The following HCK variants were observed in gnomAD, a reference collection of about 807,000 sequenced individuals.
HCK encodes the protein tyrosine-protein kinase HCK.
Under a neutral mutation model 70.4 loss-of-function variants are expected in HCK, and 40 were observed. The observed-to-expected ratio is 0.57, with a 90% confidence interval of 0.44 to 0.74. HCK has a LOEUF of 0.74. Ranked by LOEUF, HCK falls within the 30% of genes least tolerant of loss-of-function variation. The pLI, the probability that HCK is intolerant of heterozygous loss-of-function variation, is 0.00. For synonymous variants in HCK, 245 were observed against 263.2 expected (o/e 0.93, Z 0.67); for missense variants, 568 against 697.2 (o/e 0.81, Z 2.09).
chr20:32,095,114 G>A (rs998625753), intron 11 of HCK, among the ~76,000 whole-genome samples: 3 of 152,178 alleles, frequency 2.0e-5, no homozygotes, highest in Non-Finnish European at 4.4e-5. Context: ...TCCATACAAT[G>A]GAATATTATT....
chr20:32,061,199 G>C (rs2001413), intron 1 of HCK, among the ~76,000 whole-genome samples: 37,432 of 152,134 alleles, frequency 0.25, 4,747 homozygotes, highest in Non-Finnish European at 0.28. Flanking sequence ...GGCCAGGCTG[G>C]TCTTGAACTC....
chr20:32,059,696 G>A (rs1405779169), intron 1 of HCK, among the ~76,000 whole-genome samples: 1 of 151,790 alleles, frequency 6.6e-6, no homozygotes. Context: ...AAAAAATTCT[G>A]GTAGAAATGG....
At chr20:32,084,668 A>G in intron 8 of HCK, 125 bp downstream of exon 8, 1 of 856,730 alleles carries the variant, frequency 1.2e-6, no homozygotes, top group Non-Finnish European at 1.8e-6. Flanking sequence ...GATTTAAATA[A>G]TAGCCATAAA....
At chr20:32,071,595 G>A in intron 1 of HCK, 67 bp from the exon 2 acceptor site, 1 of 1,579,438 alleles carries the variant, frequency 6.3e-7, no homozygotes, top group Non-Finnish European at 8.6e-7. Flanking sequence ...TGGAATGCCA[G>A]CATCAGAAGA....
At chr20:32,057,951 A>G (rs569874351) in intron 1 of HCK, among the ~76,000 whole-genome samples, 2 of 152,256 alleles carry the variant, frequency 1.3e-5, no homozygotes, top group East Asian at 3.9e-4. Flanking sequence ...GTGGTCCCAC[A>G]TGCTGCATCC....
intron 1 of HCK, among the ~76,000 whole-genome samples, chr20:32,064,467 T>A (rs890998507): frequency 6.6e-6 from 1 of 152,180 alleles, no homozygotes; most frequent in African/African-American, 2.4e-5. Flanking sequence ...GGGAATGGAT[T>A]CTATGCAGGA....
chr20:32,086,479 C>G lies in HCK; in HGVS notation c.836-149C>G, dbSNP rs192857058. On this transcript the variant is annotated intron_variant, in intron 8 of 12. Coordinates refer to ENST00000375852, the MANE Select transcript of HCK (RefSeq NM_002110.5). ...CCTTTCAACCCACAGTTGTCTGAGG[C>G]CTAAGCCCATGATTTCGCTTCCCTC... The G allele has an allele frequency of 9.2e-5, 60 of 655,406 alleles. No individual in the cohort carries two copies. In the African/African-American group the frequency reaches 1.0e-3, roughly 11 times the overall value. 40.6% of individuals were successfully genotyped at this position (655,406 alleles called of 1,614,324 possible).
chr20:32,058,025 C>G (rs888718736), intron 1 of HCK, among the ~76,000 whole-genome samples: 2 of 152,154 alleles, frequency 1.3e-5, no homozygotes, highest in African/African-American at 4.8e-5. Context: ...TCCCTGAGTT[C>G]CAGGCATCAC....
Position 32,073,821 on chromosome 20 carries a change from G to A in HCK, c.329+3G>A. Reference sequence around the variant, plus strand: ...GACCAGATGGTGGTCCTAGAGGAGTGAGTCCCCATCCCACTCCCCCTAAGA... The same window carrying A: ...GACCAGATGGTGGTCCTAGAGGAGTAAGTCCCCATCCCACTCCCCCTAAGA... On this transcript the variant is annotated splice_donor_region_variant and intron_variant, in intron 4 of 12. Transcript: ENST00000375852. 1 of 1,530,998 alleles carries A rather than the reference G, an allele frequency of 6.5e-7. No homozygotes were observed. The highest frequency in any genetic ancestry group is 8.9e-7 in the Non-Finnish European group (1 of 1,127,654). The allele number at this position is 1,530,998 out of a possible 1,614,324, so 94.8% of individuals were successfully genotyped here.
chr20:32,083,582 G>C (rs972811889), intron 6 of HCK, among the ~76,000 whole-genome samples: 1 of 152,214 alleles, frequency 6.6e-6, no homozygotes, highest in African/African-American at 2.4e-5. Context: ...TAGTTTACAG[G>C]CATTACTTCT....
intron 5 of HCK, among the ~76,000 whole-genome samples, chr20:32,079,394 C>T (rs2045676168): frequency 6.6e-6 from 1 of 152,184 alleles, no homozygotes; most frequent in African/African-American, 2.4e-5. Context: ...CTGGTTAAGA[C>T]TGCTGTCTGT....
chr20:32,099,198 A>C (rs2045998339), intron 12 of HCK, 63 bp downstream of exon 12: 150 of 1,532,636 alleles, frequency 9.8e-5, no homozygotes, highest in Non-Finnish European at 1.2e-4. Context: ...GGCTCATCTC[A>C]ACAACATGTC....
chr20:32,074,454 C>T (rs560220733), intron 4 of HCK, among the ~76,000 whole-genome samples, 169 bp from the exon 5 acceptor site: 1 of 152,208 alleles, frequency 6.6e-6, no homozygotes, highest in Admixed American at 6.5e-5. Context: ...TTGTAAGGAT[C>T]CCTACCCTAA....
intron 1 of HCK, among the ~76,000 whole-genome samples, chr20:32,055,082 T>C (rs1482738489): frequency 2.6e-5 from 4 of 152,218 alleles, no homozygotes; most frequent in Admixed American, 2.6e-4. Context: ...AGGAGCATCC[T>C]GGATGTGTAG....
At chr20:32,098,737 C>T (rs2045991086) in intron 11 of HCK, among the ~76,000 whole-genome samples, 1 of 152,160 alleles carries the variant, frequency 6.6e-6, no homozygotes, top group Admixed American at 6.5e-5. Flanking sequence ...TTGCAGTTAA[C>T]TGGGGTATCA....
At chr20:32,065,397 T>A (rs1370888168) in intron 1 of HCK, among the ~76,000 whole-genome samples, 1 of 152,172 alleles carries the variant, frequency 6.6e-6, no homozygotes, top group Non-Finnish European at 1.5e-5. Context: ...TAAGCAAAAT[T>A]GATAATTTAT....
intron 1 of HCK, 34 bp downstream of exon 1, chr20:32,052,520 G>T (rs1286570425): frequency 3.2e-6 from 4 of 1,250,570 alleles, no homozygotes; most frequent in Non-Finnish European, 4.1e-6. Context: ...GGGAATACCC[G>T]GCCCGCGAGG....
chr20:32,080,912 A>AC (rs2122564909), intron 6 of HCK, among the ~76,000 whole-genome samples: 1 of 152,036 alleles, frequency 6.6e-6, no homozygotes, highest in African/African-American at 2.4e-5. Context: ...ACATAGTGAG[A>AC]CCCCATCTGT....
chr20:32,073,524 G>T (rs539604874), intron 3 of HCK, among the ~76,000 whole-genome samples, 163 bp downstream of exon 3: 34 of 152,308 alleles, frequency 2.2e-4, no homozygotes, highest in African/African-American at 7.7e-4. Context: ...TTTCTAGAAC[G>T]CTGTTTAGTA....
Sources: gnomAD v4.1 joint callset for allele counts (sites outside exome capture counted in the v4.1 genomes callset) on GRCh38, gnomAD v4.1.1 for gene constraint, MANE v1.5 for transcripts, NCBI Gene and HGNC (gene_info 2026-07-23, HGNC 2026-07-21) for gene names.